The following MAPK8IP3 variants were observed in gnomAD, a reference collection of about 807,000 sequenced individuals.
MAPK8IP3 encodes the protein mitogen-activated protein kinase 8 interacting protein 3.
MAPK8IP3 carries 49 observed loss-of-function variants against 157.8 expected under a neutral mutation model. The observed-to-expected ratio is 0.31, with a 90% CI of 0.25 to 0.39. The LOEUF (loss-of-function observed/expected upper bound fraction) is 0.39, where lower values mean the gene tolerates loss of function less well. Among genes scored for constraint, MAPK8IP3 ranks in the 10% least tolerant of loss-of-function variants. The pLI is 1.00. For missense variants in MAPK8IP3, 1,478 were observed against 1,889.4 expected, an observed-to-expected ratio of 0.78 and a Z score of 4.04; for synonymous variants, 897 against 777.7, an observed-to-expected ratio of 1.15 and a Z score of -2.55.
chr16:1,738,592 G>A (rs1328117844), intron 4 of MAPK8IP3, among the ~76,000 whole-genome samples: 2 of 137,406 alleles, frequency 1.5e-5, no homozygotes, highest in Admixed American at 1.5e-4. Context: ...GACCATCCAT[G>A]TGAGCATCTG....
intron 20 of MAPK8IP3, 54 bp from the exon 21 acceptor site, chr16:1,765,906 C>T: frequency 6.6e-7 from 1 of 1,512,606 alleles, no homozygotes; most frequent in East Asian, 2.3e-5. Flanking sequence ...GCTGGGCACG[C>T]CCTTGCAGTA....
chr16:1,714,565 C>T (rs998002479), intron 1 of MAPK8IP3, among the ~76,000 whole-genome samples: 3 of 152,118 alleles, frequency 2.0e-5, no homozygotes, highest in Non-Finnish European at 4.4e-5. Flanking sequence ...GTTAAAGTTT[C>T]GGGGGGCCCC....
chr16:1,759,987 C>A lies in MAPK8IP3; in HGVS notation c.1276C>A (p.Leu426Met), dbSNP rs2041841729. The change falls in exon 11 of 32, where the codon CTG (leucine) becomes ATG (methionine). Residue 426 changes from leucine (L) to methionine (M), a missense_variant. This residue lies in a region of MAPK8IP3 where 315 missense variants were observed against 394.4 expected (regional missense o/e 0.80). Transcript: ENST00000610761. ...GMGKEVGNLL[L>M]ENSQLLETKN... ...GGGCAAAGAAGTGGGGAATCTGCTA[C>A]TGGAAAACTCACAGCTTCTGGAAAC... is the stretch of plus-strand genomic sequence containing the variant. 1.2e-6 allele frequency: 2 copies of A among 1,614,230 alleles called. No homozygotes were observed. Among genetic ancestry groups the A allele is most frequent in the Admixed American group, 1.7e-5 (1 of 60,036 alleles).
chr16:1,748,197 C>A, intron 6 of MAPK8IP3, 47 bp from the exon 7 acceptor site: 1 of 1,438,422 alleles, frequency 7.0e-7, no homozygotes, highest in Non-Finnish European at 9.8e-7. Flanking sequence ...AGGGCAGAGG[C>A]TGCCAGACCC....
chr16:1,762,700 C>T lies in MAPK8IP3; in HGVS notation c.1696C>T (p.Gln566Ter). Reference protein sequence around the residue: ...IRASREHPSVQEKKKSTIWQF... With the variant: ...IRASREHPSV Reference sequence around the variant, plus strand: ...AGCGTCCCGAGAGCACCCATCCGTCCAGGAGAAGAAGAAGTCGACCATCTG... The same window carrying T: ...AGCGTCCCGAGAGCACCCATCCGTCTAGGAGAAGAAGAAGTCGACCATCTG... Residue 566 changes from glutamine to a stop codon, truncating the protein, a stop_gained, in exon 15 of 32, where the codon CAG becomes TAG. Coordinates refer to ENST00000610761, the MANE Select transcript of MAPK8IP3 (RefSeq NM_001318852.2). LOFTEE classifies it high-confidence loss of function. 1 of 1,570,178 alleles carries T rather than the reference C, an allele frequency of 6.4e-7. No homozygotes were observed. Among genetic ancestry groups the T allele is most frequent in the Non-Finnish European group, 8.6e-7 (1 of 1,156,258 alleles).
rs765704424 is a variant in MAPK8IP3 at position 1,766,766 on chromosome 16, C to T, written c.2983C>T (p.His995Tyr). ...SAVANWKKCL[H>Y]SIKLKDSVLS... is the part of the protein sequence containing the mutation. ...TGTGGCCAACTGGAAGAAGTGCCTGCACTCCATCAAGCTGAAGGATTCTGT... is the reference window on the plus strand; with the variant it reads ...TGTGGCCAACTGGAAGAAGTGCCTGTACTCCATCAAGCTGAAGGATTCTGT... Residue 995 changes from histidine to tyrosine, a missense_variant, in exon 24 of 32, where the codon CAC (histidine) becomes TAC (tyrosine). By Grantham distance (83) the His-to-Tyr change is moderately conservative. Around this residue, in one of 11 missense-constraint regions of MAPK8IP3, gnomAD observed 669 missense variants for 759.8 expected, o/e 0.88. Coordinates refer to ENST00000610761, the MANE Select transcript of MAPK8IP3 (RefSeq NM_001318852.2). 1.2e-6 allele frequency: 2 copies of T among 1,612,764 alleles called. No individual in the cohort carries two copies. The highest frequency in any genetic ancestry group is 1.7e-6 in the Non-Finnish European group (2 of 1,179,942).
At chr16:1,736,778 CCATCCGT>C (rs2039913717) in intron 4 of MAPK8IP3, among the ~76,000 whole-genome samples, 1 of 40,480 alleles carries the variant, frequency 2.5e-5, no homozygotes. Flanking sequence ...GTCTGTGTGA[CCATCCGT>C]GTGTGACCGT....
At chr16:1,761,364 G>A (rs1168672081) in intron 13 of MAPK8IP3, 59 bp downstream of exon 13, 3 of 1,497,994 alleles carry the variant, frequency 2.0e-6, no homozygotes, top group South Asian at 2.2e-5. Flanking sequence ...TTCACAGGCG[G>A]GGCGGCCACC....
chr16:1,716,894 C>A (rs532575784), intron 1 of MAPK8IP3, among the ~76,000 whole-genome samples: 1 of 151,908 alleles, frequency 6.6e-6, no homozygotes, highest in African/African-American at 2.4e-5. Context: ...CCCATCTTTA[C>A]TAAAAATAAA....
In MAPK8IP3 at chr16:1,729,160, G is replaced by A; in HGVS notation, c.462G>A (p.Glu154=). 1 of 1,614,098 alleles carries A rather than the reference G, an allele frequency of 6.2e-7. No homozygotes were observed. The highest frequency in any genetic ancestry group is 8.5e-7 in the Non-Finnish European group (1 of 1,180,012). The part of the protein sequence containing the change: ...ADQISRLEER[E]SEMKKEYNAL... ...CAGTTTCCCGGTTGGAGGAGCGGGA[G>A]TCGGAGATGAAGAAGGAGTACAATG... The change falls in exon 3 of 32, where the codon GAG becomes GAA. Residue 154 remains glutamate, a synonymous_variant. Transcript: ENST00000610761.
chr16:1,736,830 G>A (rs1357960645), intron 4 of MAPK8IP3, among the ~76,000 whole-genome samples: 2 of 80,166 alleles, frequency 2.5e-5, no homozygotes, highest in Non-Finnish European at 4.8e-5. Flanking sequence ...GTGAGCGTCC[G>A]TGTGAGCGTG....
intron 8 of MAPK8IP3, among the ~76,000 whole-genome samples, chr16:1,750,277 A>C (rs931206338): frequency 6.6e-6 from 1 of 152,144 alleles, no homozygotes; most frequent in East Asian, 1.9e-4. Flanking sequence ...CAGTGGCGCC[A>C]TCTTGGCTCA....
At position 1,724,598 on chromosome 16, in the gene MAPK8IP3, A is replaced by G. The variant is rs1208333482; in HGVS notation, c.360A>G (p.Lys120=). Residue 120 remains lysine (K), a synonymous_variant, in exon 2 of 32, where the codon AAA becomes AAG. Transcript: ENST00000610761. The surrounding 1 kb of genome is among the most constrained non-coding windows in gnomAD (Gnocchi z 4.1). The part of the protein sequence containing the change: ...EFEDALEQEK[K]ELQIQVEHYE... ...AAGATGCTCTGGAACAAGAGAAGAA[A>G]GAGCTGCAAATCCAGGTGGAGCACT... The G allele has an allele frequency of 1.2e-6, 2 of 1,613,460 alleles. No individual in the cohort carries two copies. Among genetic ancestry groups the G allele is most frequent in the African/African-American group, 2.7e-5 (2 of 74,954 alleles).
intron 8 of MAPK8IP3, among the ~76,000 whole-genome samples, chr16:1,756,623 A>AACACACACACACACAC (rs60461442): frequency 1.5e-4 from 21 of 135,702 alleles, no homozygotes; most frequent in South Asian, 7.7e-4. Flanking sequence ...TTTTTACTAA[A>AACACACACACACACAC]ACACACACAC....
At chr16:1,760,231 G>A in intron 11 of MAPK8IP3, 149 bp from the exon 12 acceptor site, 2 of 1,099,392 alleles carry the variant, frequency 1.8e-6, no homozygotes, top group Middle Eastern at 3.0e-4. Flanking sequence ...ATAGGGTTTA[G>A]CTAAGATGGG....
chr16:1,760,210 A>C, intron 11 of MAPK8IP3, 170 bp from the exon 12 acceptor site: 1 of 988,888 alleles, frequency 1.0e-6, no homozygotes, highest in Non-Finnish European at 1.5e-6. Flanking sequence ...GGAGCCTCTA[A>C]CAAGGGTGCT....
In MAPK8IP3 at chr16:1,746,731, C is replaced by T; in HGVS notation, c.748-298C>T. 4.7e-6 allele frequency: 2 copies of T among 427,400 alleles called. 1 individual carries two copies. The highest frequency in any genetic ancestry group is 6.8e-5 in the South Asian group (2 of 29,622). 26.5% of individuals were successfully genotyped at this position (427,400 alleles called of 1,614,324 possible). A position where few individuals can be genotyped will look rare whatever the true frequency, so the allele number is the denominator to read the frequency against. On this transcript the variant is annotated intron_variant, in intron 5 of 31. Transcript: ENST00000610761. ...CGCTGTGTCCCTGGCGAGGCACTGG[C>T]CCATTACAAGCAATCGTCTGGGGAG...
chr16:1,726,604 A>C (rs967080209), intron 2 of MAPK8IP3, among the ~76,000 whole-genome samples: 4 of 152,144 alleles, frequency 2.6e-5, no homozygotes, highest in Non-Finnish European at 4.4e-5. Flanking sequence ...CAAACCCAGG[A>C]GGGAGAGGCT....
chr16:1,764,195 G>A lies in MAPK8IP3; in HGVS notation c.2106G>A (p.Lys702=). The A allele has an allele frequency of 1.2e-6, 2 of 1,611,450 alleles. No homozygotes were observed. The highest frequency in any genetic ancestry group is 1.7e-6 in the Non-Finnish European group (2 of 1,179,368). Residue 702 remains lysine, a synonymous_variant, in exon 18 of 32, where the codon AAG becomes AAA. Transcript: ENST00000610761. ...VPVYCRPLVE[K]DPTMKLWCAA... ...TGTACTGCCGCCCTCTGGTGGAGAA[G>A]GACCCCACCATGAAGGTGAGCCCGC...
Sources: allele counts gnomAD v4.1 joint callset (sites outside exome capture counted in the v4.1 genomes callset), GRCh38; gene constraint gnomAD v4.1.1; regional missense constraint gnomAD v4.1.1; non-coding constraint Gnocchi (gnomAD v3.1); transcripts MANE v1.5; gene names NCBI Gene and HGNC (gene_info 2026-07-23, HGNC 2026-07-21).